Variants in CAMK2D observed in about 807,000 individuals in gnomAD.
The protein encoded by CAMK2D is calcium/calmodulin-dependent protein kinase type II subunit delta.
Under a neutral mutation model 84.0 loss-of-function variants are expected in CAMK2D, and 37 were observed. The observed-to-expected ratio is 0.44, with a 90% CI of 0.34 to 0.58. The LOEUF (loss-of-function observed/expected upper bound fraction) is 0.58, where lower values mean the gene tolerates loss of function less well. CAMK2D is among the 20% of genes least tolerant of loss of function. CAMK2D has a pLI of 0.02. For synonymous variants in CAMK2D, 202 were observed against 212.5 expected (o/e 0.95, Z 0.43); for missense variants, 448 against 652.5 (o/e 0.69, Z 3.41).
At chr4:113,711,220 TATC>T (rs1593389715) in intron 2 of CAMK2D, among the ~76,000 whole-genome samples, 1 of 150,916 alleles carries the variant, frequency 6.6e-6, no homozygotes, top group Admixed American at 6.6e-5. Context: ...TTATCTATCT[TATC>T]ATACATACTT....
At chr4:113,517,684 A>G (rs2098302290) in intron 8 of CAMK2D, 27 bp from the exon 9 acceptor site, 1 of 1,050,040 alleles carries the variant, frequency 9.5e-7, no homozygotes, top group Non-Finnish European at 1.5e-6. Flanking sequence ...TGTTAACACA[A>G]TTTAAGTCAT....
intron 2 of CAMK2D, among the ~76,000 whole-genome samples, chr4:113,743,886 G>A (rs1028309107): frequency 1.1e-4 from 17 of 151,878 alleles, no homozygotes; most frequent in Admixed American, 9.2e-4. Context: ...TGTCGCCCAG[G>A]CTGGAGTGCA....
At chr4:113,583,423 A>T (rs939922336) in intron 4 of CAMK2D, among the ~76,000 whole-genome samples, 1 of 152,222 alleles carries the variant, frequency 6.6e-6, no homozygotes, top group African/African-American at 2.4e-5. Context: ...CCAGGATAAA[A>T]GGTTAAAGTT....
intron 13 of CAMK2D, chr4:113,508,316 G>A (rs368814647): frequency 3.8e-5 from 51 of 1,358,800 alleles, no homozygotes; most frequent in Non-Finnish European, 4.7e-5. Flanking sequence ...AAATATGACC[G>A]GTTGAATTTA....
intron 2 of CAMK2D, among the ~76,000 whole-genome samples, chr4:113,734,414 T>C (rs2099576266): frequency 6.6e-6 from 1 of 152,224 alleles, no homozygotes; most frequent in South Asian, 2.1e-4. Flanking sequence ...ATTTGCAAAA[T>C]AATATTCTAC....
intron 16 of CAMK2D, among the ~76,000 whole-genome samples, chr4:113,478,815 A>T (rs1222163429): frequency 6.6e-6 from 1 of 152,232 alleles, no homozygotes. Context: ...TATTTTCTCC[A>T]GTGGAAAACA....
At chr4:113,646,867 A>T (rs1441773933) in intron 3 of CAMK2D, among the ~76,000 whole-genome samples, 1 of 152,216 alleles carries the variant, frequency 6.6e-6, no homozygotes, top group Non-Finnish European at 1.5e-5. Context: ...TTAAAATTAA[A>T]TCGGATATTG....
At chr4:113,641,224 G>C (rs1272874201) in intron 3 of CAMK2D, among the ~76,000 whole-genome samples, 1 of 152,122 alleles carries the variant, frequency 6.6e-6, no homozygotes, top group Non-Finnish European at 1.5e-5. Flanking sequence ...AAGAACAGAA[G>C]GCTTGTAGAG....
rs539650834 is a variant in CAMK2D, at chr4:113,671,716, G to A, written c.161-9944C>T. On this transcript the variant is annotated intron_variant, in intron 2 of 20. Coordinates refer to ENST00000511664, the MANE Select transcript of CAMK2D (RefSeq NM_001321571.2). ...AGCCATCCCAATGTAGGGATGTTTT[G>A]GAAATACACCCACCTCCCAGTCTGC... is the stretch of plus-strand genomic sequence containing the variant. Among the ~76,000 whole-genome samples the A allele has an allele frequency of 4.6e-5, 7 of 152,264 alleles. 1 individual carries two copies. The highest frequency in any genetic ancestry group is 1.9e-4 in the East Asian group (1 of 5,172).
At chr4:113,581,513 TAA>T (rs777730996) in intron 4 of CAMK2D, among the ~76,000 whole-genome samples, 6 of 34,302 alleles carry the variant, frequency 1.7e-4, no homozygotes, top group South Asian at 1.2e-3. Flanking sequence ...AACTTTCTCA[TAA>T]AAAAAAAAAA....
chr4:113,533,686 A>T (rs1047587718), intron 7 of CAMK2D, among the ~76,000 whole-genome samples: 2 of 151,980 alleles, frequency 1.3e-5, no homozygotes, highest in African/African-American at 4.8e-5. Flanking sequence ...CAGCAACAAA[A>T]TGCTAGAAAT....
intron 14 of CAMK2D, among the ~76,000 whole-genome samples, 188 bp downstream of exon 14, chr4:113,504,788 C>CA (rs141599726): frequency 2.0e-4 from 22 of 110,254 alleles, no homozygotes; most frequent in East Asian, 2.9e-4. Context: ...CTAACTTAAC[C>CA]AAAAAAAACC....
chr4:113,739,219 A>G (rs879300874), intron 2 of CAMK2D, among the ~76,000 whole-genome samples: 2 of 152,184 alleles, frequency 1.3e-5, no homozygotes, highest in African/African-American at 2.4e-5. Flanking sequence ...TGTACTCTTC[A>G]ATTTAAAAGA....
intron 2 of CAMK2D, among the ~76,000 whole-genome samples, chr4:113,678,101 C>A (rs2099326360): frequency 6.6e-6 from 1 of 152,042 alleles, no homozygotes; most frequent in Non-Finnish European, 1.5e-5. Flanking sequence ...ATGAAAAATA[C>A]CCTTTTTGTA....
In CAMK2D at chr4:113,659,710, C is replaced by A. The variant is rs1388431598; in HGVS notation, c.220+2003G>T. Among the ~76,000 whole-genome samples, 3 of 152,286 alleles carry A rather than the reference C, an allele frequency of 2.0e-5. No homozygotes were observed. In the East Asian group the frequency reaches 5.8e-4, roughly 29 times the overall value. ...ATTTCTGTTGCTTAAGCCACCCAGT[C>A]TGTGGTACTCTCTTACTGGCAGTCT... On this transcript the variant is annotated intron_variant, in intron 3 of 20. Coordinates refer to ENST00000511664, the MANE Select transcript of CAMK2D (RefSeq NM_001321571.2).
chr4:113,689,632 C>T (rs1369669467), intron 2 of CAMK2D, among the ~76,000 whole-genome samples: 1 of 152,154 alleles, frequency 6.6e-6, no homozygotes, highest in Non-Finnish European at 1.5e-5. Context: ...TAAATATTCT[C>T]CCCTTGCTTT....
intron 3 of CAMK2D, among the ~76,000 whole-genome samples, chr4:113,647,898 T>C (rs2154299250): frequency 6.6e-6 from 1 of 152,346 alleles, no homozygotes; most frequent in South Asian, 2.1e-4. Flanking sequence ...GAATAACATT[T>C]GAAAACCATG....
intron 18 of CAMK2D, among the ~76,000 whole-genome samples, chr4:113,459,316 T>C (rs1564380897): frequency 1.3e-5 from 2 of 152,176 alleles, no homozygotes; most frequent in Non-Finnish European, 2.9e-5. Flanking sequence ...TCTCCTGGGC[T>C]CAAAGTGATC....
At chr4:113,642,939 C>T (rs1156575305) in intron 3 of CAMK2D, among the ~76,000 whole-genome samples, 3 of 151,878 alleles carry the variant, frequency 2.0e-5, no homozygotes, top group Non-Finnish European at 4.4e-5. Flanking sequence ...TAGCAGAGAC[C>T]ATGCTAAACT....
Sources: allele counts gnomAD v4.1 joint callset (sites outside exome capture counted in the v4.1 genomes callset), GRCh38; gene constraint gnomAD v4.1.1; transcripts MANE v1.5; gene names NCBI Gene and HGNC (gene_info 2026-07-23, HGNC 2026-07-21).